Variants in INSC observed in about 807,000 individuals in gnomAD.
The protein encoded by INSC is protein inscuteable homolog.
Under a neutral mutation model 58.6 loss-of-function variants are expected in INSC, and 67 were observed. The observed-to-expected ratio is 1.14, with a 90% confidence interval of 0.94 to 1.40. The LOEUF is 1.40. Among genes scored for constraint, INSC ranks in the 40% most tolerant of loss-of-function variants. The pLI is 0.00. For synonymous variants in INSC, 262 were observed against 276.1 expected (o/e 0.95, Z 0.51); for missense variants, 714 against 692.0 (o/e 1.03, Z -0.36).
chr11:15,155,732 A>G (rs1239938600), intron 2 of INSC, among the ~76,000 whole-genome samples: 3 of 152,232 alleles, frequency 2.0e-5, no homozygotes, highest in Admixed American at 6.5e-5. Context: ...AAATTCCAGA[A>G]TTTGAAGACT....
At position 15,240,502 on chromosome 11, in the gene INSC, C is replaced by T. The variant is rs377622304; in HGVS notation, c.1449C>T (p.Asp483=). 7.9e-5 allele frequency: 128 copies of T among 1,613,564 alleles called. No homozygotes were observed. Among genetic ancestry groups the T allele is most frequent in the Middle Eastern group, 1.6e-4 (1 of 6,084 alleles). Residue 483 remains aspartate, a synonymous_variant, in exon 12 of 13, where the codon GAC becomes GAT. Coordinates refer to ENST00000379556, the MANE Select transcript of INSC (RefSeq NM_001042536.3). ...CCCCATCAGAGAGGAACAGCAGTGA[C>T]GCCGTGCTTGTGGCCTGCCTGGTGA... ...CRSPSERNSS[D]AVLVACLAAL...
chr11:15,235,548 A>T (rs1281557925), intron 9 of INSC, 54 bp from the exon 10 acceptor site: 1 of 1,366,318 alleles, frequency 7.3e-7, no homozygotes, highest in African/African-American at 1.4e-5. Flanking sequence ...TGTAGGGAGG[A>T]CTATTAGGAT....
At chr11:15,156,163 G>A (rs565842899) in intron 2 of INSC, among the ~76,000 whole-genome samples, 2 of 152,340 alleles carry the variant, frequency 1.3e-5, no homozygotes, top group South Asian at 2.1e-4. Context: ...GGTCTGTGAT[G>A]TTGAGGCCAG....
intron 7 of INSC, among the ~76,000 whole-genome samples, chr11:15,206,179 G>C (rs565970295): frequency 6.6e-6 from 1 of 152,192 alleles, no homozygotes; most frequent in African/African-American, 2.4e-5. Context: ...ATGGCTGAAG[G>C]GGGAGAGGCC....
At chr11:15,157,465 G>A (rs1053485872) in intron 2 of INSC, among the ~76,000 whole-genome samples, 5 of 152,190 alleles carry the variant, frequency 3.3e-5, no homozygotes, top group Admixed American at 6.5e-5. Flanking sequence ...ATGGCAGCTC[G>A]AAGTTTATGG....
the INSC span, among the ~76,000 whole-genome samples, chr11:15,261,538 T>A: frequency 1.3e-5 from 2 of 152,184 alleles, no homozygotes; most frequent in African/African-American, 4.8e-5. Context: ...TCTGGTACAA[T>A]CTGACAAAGT....
At chr11:15,221,928 G>A (rs1177593627) in intron 8 of INSC, among the ~76,000 whole-genome samples, 2 of 152,108 alleles carry the variant, frequency 1.3e-5, no homozygotes, top group Admixed American at 6.5e-5. Context: ...GGGAGTCCAG[G>A]ACAAGCCCCA....
chr11:15,181,854 G>T (rs750226885), intron 5 of INSC, among the ~76,000 whole-genome samples: 1 of 152,148 alleles, frequency 6.6e-6, no homozygotes, highest in Non-Finnish European at 1.5e-5. Flanking sequence ...AGCAAAATCT[G>T]CTCAGTGGGA....
chr11:15,172,609 A>G (rs999595286), intron 2 of INSC, among the ~76,000 whole-genome samples: 2 of 152,216 alleles, frequency 1.3e-5, no homozygotes, highest in Admixed American at 6.5e-5. Context: ...AGGAGGTAAT[A>G]TAAGAGTCAG....
chr11:15,267,971 T>C, the INSC span, among the ~76,000 whole-genome samples: 1 of 152,046 alleles, frequency 6.6e-6, no homozygotes, highest in Non-Finnish European at 1.5e-5. Flanking sequence ...TAATCTGCCC[T>C]ATCAACTCTA....
intron 9 of INSC, among the ~76,000 whole-genome samples, chr11:15,233,539 T>C (rs1852003717): frequency 1.3e-5 from 2 of 152,196 alleles, no homozygotes. Context: ...GAAAACCACA[T>C]GGGGTACAGG....
intron 5 of INSC, among the ~76,000 whole-genome samples, chr11:15,186,248 CTT>C (rs34968510): frequency 6.7e-6 from 1 of 148,874 alleles, no homozygotes. Flanking sequence ...CTTTCTGCTA[CTT>C]TTTTTTTTTC....
At chr11:15,236,296 G>T (rs140720552) in intron 10 of INSC, among the ~76,000 whole-genome samples, 18 of 151,990 alleles carry the variant, frequency 1.2e-4, no homozygotes, top group Admixed American at 3.9e-4. Context: ...GTCTCAGGGT[G>T]GGGGGGTGGT....
intron 12 of INSC, among the ~76,000 whole-genome samples, chr11:15,243,216 G>A (rs1852425480): frequency 6.6e-6 from 1 of 152,130 alleles, no homozygotes; most frequent in African/African-American, 2.4e-5. Flanking sequence ...CTCCTGGTTG[G>A]TGAGATTCAC....
intron 11 of INSC, 133 bp downstream of exon 11, chr11:15,239,207 G>A: frequency 9.0e-7 from 1 of 1,115,152 alleles, no homozygotes; most frequent in Non-Finnish European, 1.2e-6. Context: ...TGGGGGCTCA[G>A]GGGTGGAGGC....
At chr11:15,120,739 G>A (rs1167322125) in intron 1 of INSC, among the ~76,000 whole-genome samples, 1 of 152,152 alleles carries the variant, frequency 6.6e-6, no homozygotes, top group East Asian at 1.9e-4. Flanking sequence ...GACAAGCACT[G>A]AGGTATTTTA....
At chr11:15,257,685 AGAG>A in the INSC span, among the ~76,000 whole-genome samples, 4 of 152,132 alleles carry the variant, frequency 2.6e-5, no homozygotes, top group African/African-American at 9.7e-5. Flanking sequence ...CCTTTTTATA[AGAG>A]GAGATTTGGA....
chr11:15,181,996 T>G (rs1849796162), intron 5 of INSC, among the ~76,000 whole-genome samples: 1 of 152,150 alleles, frequency 6.6e-6, no homozygotes, highest in African/African-American at 2.4e-5. Context: ...AGGGCCTCAT[T>G]CCAGTGTGTG....
chr11:15,144,492 C>T lies in INSC; in HGVS notation c.-45-4638C>T, dbSNP rs551975464. Among the ~76,000 whole-genome samples the T allele has an allele frequency of 6.6e-5, 10 of 152,320 alleles. No homozygotes were observed. The East Asian group carries it at 1.5e-3, about 24-fold the overall frequency. On this transcript the variant is annotated intron_variant, in intron 1 of 12. Coordinates refer to ENST00000379556, the MANE Select transcript of INSC (RefSeq NM_001042536.3). Reference sequence around the variant, plus strand: ...GTCTTTGAGAAAGAGCCATATCTGTCTGGTGCTGTCCAACTCCTCTTCAAC... The same window carrying T: ...GTCTTTGAGAAAGAGCCATATCTGTTTGGTGCTGTCCAACTCCTCTTCAAC...
Sources: allele counts gnomAD v4.1 joint callset (sites outside exome capture counted in the v4.1 genomes callset), GRCh38; gene constraint gnomAD v4.1.1; transcripts MANE v1.5; gene names NCBI Gene and HGNC (gene_info 2026-07-23, HGNC 2026-07-21).